The following PTPN5 variants were observed in gnomAD, a reference collection of about 807,000 sequenced individuals.
PTPN5 encodes protein tyrosine phosphatase non-receptor type 5, also known as tyrosine-protein phosphatase non-receptor type 5.
A neutral mutation model predicts 73.9 loss-of-function variants in PTPN5; 29 were observed. That is an observed-to-expected ratio of 0.39 (90% CI 0.29 to 0.54). The LOEUF (loss-of-function observed/expected upper bound fraction) is 0.54. Among genes scored for constraint, PTPN5 ranks in the 20% least tolerant of loss-of-function variants. The pLI, the probability that PTPN5 is intolerant of heterozygous loss-of-function variation, is 0.65. For synonymous variants in PTPN5, 267 were observed against 304.7 expected (o/e 0.88, Z 1.29); for missense variants, 652 against 751.4 (o/e 0.87, Z 1.55).
At chr11:18,769,827 A>G (rs555374796) in intron 2 of PTPN5, among the ~76,000 whole-genome samples, 2 of 152,356 alleles carry the variant, frequency 1.3e-5, no homozygotes, top group East Asian at 3.9e-4. Flanking sequence ...TGGTGCCATC[A>G]GAAGTAGGCT....
intron 3 of PTPN5, among the ~76,000 whole-genome samples, chr11:18,754,322 C>A (rs1296613070): frequency 6.6e-6 from 1 of 152,178 alleles, no homozygotes. Flanking sequence ...GTCTGGGAAT[C>A]AACAACTCCG....
At chr11:18,770,398 T>C (rs1000345631) in intron 2 of PTPN5, among the ~76,000 whole-genome samples, 4 of 152,254 alleles carry the variant, frequency 2.6e-5, no homozygotes. Context: ...TCATAAAATA[T>C]GTAGCCTTTT....
intron 8 of PTPN5, among the ~76,000 whole-genome samples, chr11:18,739,291 A>T (rs1325598356): frequency 6.6e-6 from 1 of 152,198 alleles, no homozygotes; most frequent in Non-Finnish European, 1.5e-5. Context: ...GAGGTAGAGG[A>T]TGTGATTCTT....
intron 12 of PTPN5, among the ~76,000 whole-genome samples, chr11:18,731,607 C>T (rs1411578877): frequency 6.6e-6 from 1 of 152,210 alleles, no homozygotes; most frequent in East Asian, 1.9e-4. Context: ...AGTTACCTGG[C>T]TGTGACAGTG....
intron 3 of PTPN5, among the ~76,000 whole-genome samples, chr11:18,761,322 T>C (rs924826683): frequency 1.3e-5 from 2 of 152,180 alleles, no homozygotes; most frequent in Non-Finnish European, 2.9e-5. Flanking sequence ...GAGCTAGGAC[T>C]ATGCTGGGCT....
At chr11:18,788,010 C>A (rs186894911) in intron 1 of PTPN5, among the ~76,000 whole-genome samples, 23 of 152,234 alleles carry the variant, frequency 1.5e-4, no homozygotes, top group Non-Finnish European at 2.2e-4. Flanking sequence ...ACTCCTAAGC[C>A]TCCCACTCCT....
chr11:18,743,467 C>T (rs771362921), intron 4 of PTPN5, 38 bp from the exon 5 acceptor site: 1 of 1,577,418 alleles, frequency 6.3e-7, no homozygotes, highest in South Asian at 1.1e-5. Context: ...TGGAGCCGGC[C>T]CCCTTCCCCC....
At chr11:18,743,549 C>T (rs1849473651) in intron 4 of PTPN5, 120 bp from the exon 5 acceptor site, 1 of 882,086 alleles carries the variant, frequency 1.1e-6, no homozygotes, top group Non-Finnish European at 1.8e-6. Flanking sequence ...CTCTAAGGTC[C>T]AGACCGGGCA....
intron 3 of PTPN5, among the ~76,000 whole-genome samples, chr11:18,755,744 T>G (rs981927075): frequency 9.9e-5 from 15 of 151,990 alleles, no homozygotes; most frequent in Non-Finnish European, 1.5e-5. Flanking sequence ...GGTGGCTCAC[T>G]CCCGTAATCC....
intron 3 of PTPN5, among the ~76,000 whole-genome samples, chr11:18,759,037 A>C (rs1478997225): frequency 1.3e-5 from 2 of 152,194 alleles, no homozygotes; most frequent in Non-Finnish European, 1.5e-5. Context: ...GTGCTGGTTC[A>C]GTGAGGTCTC....
At position 18,733,521 on chromosome 11, in the gene PTPN5, C is replaced by T. The variant is rs974876968; in HGVS notation, c.1080+35G>A. The T allele has an allele frequency of 6.2e-7, 1 of 1,613,166 alleles. No homozygotes were observed. Among genetic ancestry groups the T allele is most frequent in the Non-Finnish European group, 8.5e-7 (1 of 1,179,178 alleles). The stretch of plus-strand genomic sequence containing the variant: ...TGGATCCCATCGACTCAGGCCTCCC[C>T]TTGAGCAAGAGGCCGTCAGGGTGGG... On this transcript the variant is annotated intron_variant, in intron 10 of 14. Transcript: ENST00000358540. This position sits in a 1 kb window ranked among gnomAD's most constrained non-coding sequence, Gnocchi z 4.3.
intron 1 of PTPN5, among the ~76,000 whole-genome samples, chr11:18,787,737 C>A (rs1340475856): frequency 6.6e-6 from 1 of 152,130 alleles, no homozygotes; most frequent in Non-Finnish European, 1.5e-5. Context: ...CCCAGTCATC[C>A]CTCTTCCTAC....
In PTPN5 at chr11:18,742,269, G is replaced by T. The variant is rs1285496597; in HGVS notation, c.718C>A (p.Gln240Lys). Reference sequence around the variant, plus strand: ...CTCCTCCACCCCTCCCACCTCTCCTGCAGACCCATGGACTTGACGGTGAGT... The same window carrying T: ...CTCCTCCACCCCTCCCACCTCTCCTTCAGACCCATGGACTTGACGGTGAGT... The part of the protein sequence containing the change: ...TSLTVKSMGL[Q>K]ERRGSNVSLT... Residue 240 changes from glutamine to lysine, a missense_variant, in exon 7 of 15, where the codon CAG (glutamine) becomes AAG (lysine). By Grantham distance (53) the Gln-to-Lys change is moderately conservative. Transcript: ENST00000358540. The surrounding 1 kb of genome is among the most constrained non-coding windows in gnomAD (Gnocchi z 4.1). 1 of 1,614,098 alleles carries T rather than the reference G, an allele frequency of 6.2e-7. No homozygotes were observed. The highest frequency in any genetic ancestry group is 8.5e-7 in the Non-Finnish European group (1 of 1,179,998).
At chr11:18,757,287 C>T (rs1235589953) in intron 3 of PTPN5, among the ~76,000 whole-genome samples, 5 of 152,170 alleles carry the variant, frequency 3.3e-5, no homozygotes, top group Admixed American at 3.3e-4. Context: ...TGGAGCAGTG[C>T]AGGGTTTGTC....
intron 1 of PTPN5, among the ~76,000 whole-genome samples, chr11:18,780,585 C>T (rs917909220): frequency 1.2e-4 from 18 of 152,170 alleles, no homozygotes; most frequent in African/African-American, 3.4e-4. Context: ...GCCCAGGTCT[C>T]CTCCAGGAAA....
intron 3 of PTPN5, among the ~76,000 whole-genome samples, chr11:18,752,457 T>C (rs1849934588): frequency 6.6e-6 from 1 of 152,090 alleles, no homozygotes; most frequent in African/African-American, 2.4e-5. Flanking sequence ...CACCTGGACA[T>C]GGGCAGGGGC....
At position 18,742,983 on chromosome 11, in the gene PTPN5, G is replaced by A. The variant is rs762030532; in HGVS notation, c.483+9C>T. The A allele has an allele frequency of 1.3e-5, 20 of 1,538,208 alleles. No homozygotes were observed. The South Asian group carries it at 2.1e-4, about 17-fold the overall frequency. On this transcript the variant is annotated intron_variant, in intron 6 of 14. Transcript: ENST00000358540. The surrounding 1 kb of genome is among the most constrained non-coding windows in gnomAD (Gnocchi z 4.1). ...ACAGCCTTGAGGTTGGGGTCAGGAG[G>A]CGCCTTACCAGGGTGGTAACGAGGA...
intron 8 of PTPN5, 149 bp downstream of exon 8, chr11:18,740,454 G>T: frequency 1.6e-6 from 1 of 622,188 alleles, no homozygotes; most frequent in Non-Finnish European, 2.5e-6. Flanking sequence ...AGGGAAAGCA[G>T]CTTGCCCAAG....
intron 1 of PTPN5, among the ~76,000 whole-genome samples, chr11:18,773,176 G>A (rs545786361): frequency 6.6e-6 from 1 of 151,900 alleles, no homozygotes; most frequent in East Asian, 1.9e-4. Context: ...CTTCTTTCCA[G>A]AGAGGTAAGA....
Sources: allele counts gnomAD v4.1 joint callset (sites outside exome capture counted in the v4.1 genomes callset), GRCh38; gene constraint gnomAD v4.1.1; non-coding constraint Gnocchi (gnomAD v3.1); transcripts MANE v1.5; gene names NCBI Gene and HGNC (gene_info 2026-07-23, HGNC 2026-07-21).